The following DLGAP1 variants were observed in gnomAD, a reference collection of about 807,000 sequenced individuals.
DLGAP1 encodes the protein disks large-associated protein 1.
Under a neutral mutation model 90.8 loss-of-function variants are expected in DLGAP1, and 11 were observed. The observed-to-expected ratio is 0.12, with a 90% CI of 0.08 to 0.20. The LOEUF (loss-of-function observed/expected upper bound fraction) is 0.20, where lower values mean the gene tolerates loss of function less well. DLGAP1 is among the 10% of genes least tolerant of loss of function. The pLI, the probability that DLGAP1 is intolerant of heterozygous loss-of-function variation, is 1.00. For missense variants in DLGAP1, 1,050 were observed against 1,333.8 expected (o/e 0.79, Z 3.31); for synonymous variants, 558 against 540.7 (o/e 1.03, Z -0.44).
At chr18:3,898,553 A>G (rs2071708504) in intron 3 of DLGAP1, among the ~76,000 whole-genome samples, 1 of 152,314 alleles carries the variant, frequency 6.6e-6, no homozygotes, top group African/African-American at 2.4e-5. Flanking sequence ...TTGTCACTCA[A>G]CACAGTGATG....
chr18:3,653,889 G>T lies in DLGAP1; in HGVS notation c.1592-71641C>A, dbSNP rs2059395484. On this transcript the variant is annotated intron_variant, in intron 7 of 12. Transcript: ENST00000315677. The surrounding 1 kb of genome is among the most constrained non-coding windows in gnomAD (Gnocchi z 4.6). ...CTGCAGATGGAAAGTTGCAAGTACG[G>T]TAATTAGCTAAGCAGTGGCAAGGCC... is the stretch of plus-strand genomic sequence containing the variant. The T allele has an allele frequency of 6.6e-6, 1 of 152,184 alleles. No individual in the cohort carries two copies. Among genetic ancestry groups the T allele is most frequent in the Non-Finnish European group, 1.5e-5 (1 of 68,046 alleles). 9.4% of individuals were successfully genotyped at this position (152,184 alleles called of 1,614,324 possible). A position where few individuals can be genotyped will look rare whatever the true frequency, so the allele number is the denominator to read the frequency against.
intron 1 of DLGAP1, among the ~76,000 whole-genome samples, chr18:4,416,399 T>C: frequency 6.6e-6 from 1 of 152,348 alleles, no homozygotes; most frequent in Middle Eastern, 3.4e-3. Context: ...ATAACAATTT[T>C]GAATTCCTTT....
intron 7 of DLGAP1, among the ~76,000 whole-genome samples, chr18:3,591,525 A>C (rs989673320): frequency 5.3e-5 from 8 of 151,614 alleles, no homozygotes; most frequent in Non-Finnish European, 1.0e-4. Context: ...CCATCTCCAC[A>C]AAATTATCCA....
At chr18:3,591,889 C>T (rs1436194971) in intron 7 of DLGAP1, among the ~76,000 whole-genome samples, 3 of 151,900 alleles carry the variant, frequency 2.0e-5, no homozygotes, top group Non-Finnish European at 4.4e-5. Flanking sequence ...ATTGATTGTC[C>T]GTCCATAGAA....
intron 2 of DLGAP1, among the ~76,000 whole-genome samples, chr18:4,102,021 T>C (rs924649254): frequency 1.1e-4 from 16 of 152,126 alleles, no homozygotes; most frequent in African/African-American, 3.9e-4. Flanking sequence ...TATTAAAGCA[T>C]TAAAGCAGTC....
chr18:4,025,181 G>A (rs1412307920), intron 2 of DLGAP1, among the ~76,000 whole-genome samples: 1 of 151,996 alleles, frequency 6.6e-6, no homozygotes, highest in Non-Finnish European at 1.5e-5. Flanking sequence ...CCCTGTCCAA[G>A]GTCATGTGTG....
At chr18:4,447,601 A>G (rs1179587682) in intron 1 of DLGAP1, among the ~76,000 whole-genome samples, 2 of 152,144 alleles carry the variant, frequency 1.3e-5, no homozygotes, top group Non-Finnish European at 2.9e-5. Flanking sequence ...TGGTGGACAC[A>G]AAGGGGTTTA....
intron 1 of DLGAP1, among the ~76,000 whole-genome samples, chr18:4,269,569 T>A (rs1296259478): frequency 6.6e-6 from 1 of 151,914 alleles, no homozygotes; most frequent in African/African-American, 2.4e-5. Context: ...TTAGCCAGGA[T>A]GGTCTCGATC....
At chr18:3,779,447 C>T (rs892306445) in intron 5 of DLGAP1, among the ~76,000 whole-genome samples, 1 of 152,152 alleles carries the variant, frequency 6.6e-6, no homozygotes, top group African/African-American at 2.4e-5. Flanking sequence ...TAAGCCCAAA[C>T]CCATAGTAAT....
chr18:3,986,740 C>T (rs775007134), intron 3 of DLGAP1: 11 of 152,128 alleles, frequency 7.2e-5, no homozygotes, highest in Admixed American at 2.6e-4. Context: ...TCCAATCCAA[C>T]GTGGATTTTT....
chr18:4,085,312 T>C (rs1197607407), intron 2 of DLGAP1, among the ~76,000 whole-genome samples: 1 of 152,228 alleles, frequency 6.6e-6, no homozygotes, highest in Non-Finnish European at 1.5e-5. Context: ...CAAGCAGTGA[T>C]TATATGCATT....
chr18:3,615,395 A>G (rs1053315273), intron 7 of DLGAP1, among the ~76,000 whole-genome samples: 1 of 152,204 alleles, frequency 6.6e-6, no homozygotes, highest in African/African-American at 2.4e-5. Context: ...AAGAGCACAG[A>G]TGCCTGTTAA....
chr18:4,121,777 C>A (rs560002898), intron 2 of DLGAP1, among the ~76,000 whole-genome samples: 201 of 152,110 alleles, frequency 1.3e-3, no homozygotes, highest in Non-Finnish European at 2.0e-3. Flanking sequence ...TAAAATTTTC[C>A]TTATCATGCT....
intron 1 of DLGAP1, among the ~76,000 whole-genome samples, chr18:4,337,249 A>G (rs1270363552): frequency 1.5e-5 from 2 of 131,806 alleles, no homozygotes; most frequent in African/African-American, 5.8e-5. Flanking sequence ...GTTGGAGTGC[A>G]GTGGCGCAAT....
At chr18:3,980,369 C>T (rs1277657492) in intron 3 of DLGAP1, among the ~76,000 whole-genome samples, 2 of 152,094 alleles carry the variant, frequency 1.3e-5, no homozygotes, top group Non-Finnish European at 2.9e-5. Flanking sequence ...GAAGACGGCT[C>T]TGCCACAGGA....
chr18:4,410,993 C>A (rs1329016216), intron 1 of DLGAP1, among the ~76,000 whole-genome samples: 2 of 152,178 alleles, frequency 1.3e-5, no homozygotes, highest in African/African-American at 4.8e-5. Context: ...TATGGGCCTG[C>A]CCTTTTGCCT....
rs193021215 is a variant in DLGAP1 at position 4,238,931 on chromosome 18, A to C, written c.-266-87644T>G. ...ATGTCTGAAGAAGTAGAATACAGGA[A>C]AAATCATCAATAAAAACTTTTCACA... On this transcript the variant is annotated intron_variant, in intron 1 of 12. Coordinates refer to ENST00000315677, the MANE Select transcript of DLGAP1 (RefSeq NM_004746.4). Among the ~76,000 whole-genome samples the C allele has an allele frequency of 1.6e-4, 24 of 152,352 alleles. No individual in the cohort carries two copies. The East Asian group carries it at 2.5e-3, about 16-fold the overall frequency.
intron 7 of DLGAP1, among the ~76,000 whole-genome samples, chr18:3,672,577 C>CAAAAAAAAAAAAAAAAAAAAAAAA (rs60316690): frequency 2.5e-5 from 1 of 39,556 alleles, no homozygotes; most frequent in Non-Finnish European, 4.5e-5. Flanking sequence ...AACTCTATCT[C>CAAAAAAAAAAAAAAAAAAAAAAAA]AAAAAAAAAA....
At chr18:4,368,636 T>TACACAC (rs55840615) in intron 1 of DLGAP1, among the ~76,000 whole-genome samples, 49 of 135,030 alleles carry the variant, frequency 3.6e-4, no homozygotes, top group East Asian at 1.3e-3. Flanking sequence ...CTCTCTCTCA[T>TACACAC]ACACACACAC....
Sources: gnomAD v4.1 joint callset for allele counts (sites outside exome capture counted in the v4.1 genomes callset) on GRCh38, gnomAD v4.1.1 for gene constraint, Gnocchi (gnomAD v3.1) non-coding constraint, MANE v1.5 for transcripts, NCBI Gene and HGNC (gene_info 2026-07-23, HGNC 2026-07-21) for gene names.